AFMID: variants seen among roughly 807,000 people sequenced by gnomAD.
The protein encoded by AFMID is arylformamidase.
Under a neutral mutation model 47.5 loss-of-function variants are expected in AFMID, and 39 were observed. The observed-to-expected ratio is 0.82, with a 90% CI of 0.64 to 1.07. The LOEUF (loss-of-function observed/expected upper bound fraction) is 1.07, where lower values mean the gene tolerates loss of function less well. Among genes scored for constraint, AFMID ranks in the 50% least tolerant of loss-of-function variants. The probability of loss-of-function intolerance (pLI) is 0.00; values close to 1 mark genes in which losing one functional copy is unlikely to be tolerated. For synonymous variants in AFMID, 130 were observed against 153.2 expected (o/e 0.85, Z 1.12); for missense variants, 375 against 387.5 (o/e 0.97, Z 0.27).
intron 1 of AFMID, among the ~76,000 whole-genome samples, chr17:78,189,701 G>A (rs995013356): frequency 6.2e-5 from 9 of 145,352 alleles, no homozygotes; most frequent in African/African-American, 9.8e-5. Context: ...CATATTTTTC[G>A]TAGAGATAGT....
chr17:78,202,852 C>A, intron 4 of AFMID, 101 bp downstream of exon 4: 1 of 1,382,704 alleles, frequency 7.2e-7, no homozygotes. Flanking sequence ...ACAAGCTGGG[C>A]ACTCCTTGCA....
chr17:78,190,827 G>GAGGTATACCAAGATGCCCTCTA, intron 1 of AFMID, 143 bp from the exon 2 acceptor site: 1 of 680,972 alleles, frequency 1.5e-6, no homozygotes, highest in Non-Finnish European at 2.5e-6. Flanking sequence ...TCTAGACCAT[G>GAGGTATACCAAGATGCCCTCTA]GATCTGAGGG....
rs770995525 is a variant in AFMID, at chr17:78,187,412, T to A, written c.42T>A (p.Pro14=). Residue 14 remains proline, a synonymous_variant, in exon 1 of 11, where the codon CCT becomes CCA. Coordinates refer to ENST00000409257, the MANE Select transcript of AFMID (RefSeq NM_001010982.5). ...GTGTGGGTTTCCCAAGCAAGGTTCC[T>A]TGGAAGAAGATGTCTGCAGAGGTAG... ...VSGVGFPSKV[P]WKKMSAEELE... 2.5e-6 allele frequency: 4 copies of A among 1,613,724 alleles called. No individual in the cohort carries two copies. The African/African-American group carries it at 5.3e-5, about 22-fold the overall frequency.
At position 78,206,938 on chromosome 17, in the gene AFMID, T is replaced by C. The variant is rs2076399317; in HGVS notation, c.*1T>C. ...TATCTTGAAAACAATCTTCCAGTAGTTCTGACGATACTTGGAGCCTGGTCC... is the reference window on the plus strand; with the variant it reads ...TATCTTGAAAACAATCTTCCAGTAGCTCTGACGATACTTGGAGCCTGGTCC... On this transcript the variant is annotated 3_prime_UTR_variant, in exon 11 of 11. Transcript: ENST00000409257. 6.2e-7 allele frequency: 1 copy of C among 1,613,966 alleles called. No homozygotes were observed.
intron 4 of AFMID, 88 bp downstream of exon 4, chr17:78,202,839 G>GCC (rs1323046513): frequency 1.2e-5 from 18 of 1,468,992 alleles, no homozygotes; most frequent in Non-Finnish European, 1.5e-5. Context: ...CAACCAAACT[G>GCC]CCACAAGCTG....
intron 1 of AFMID, among the ~76,000 whole-genome samples, chr17:78,188,721 T>C (rs758972439): frequency 6.6e-6 from 1 of 152,106 alleles, no homozygotes; most frequent in East Asian, 1.9e-4. Context: ...CTCAGCCTCC[T>C]GAGTAGCTGG....
intron 1 of AFMID, 169 bp from the exon 2 acceptor site, chr17:78,190,801 C>A (rs925386360): frequency 5.2e-6 from 3 of 581,156 alleles, no homozygotes. Flanking sequence ...AAAGGCACAG[C>A]GGTCGCTGGT....
Position 78,202,758 on chromosome 17 carries a change from C to A in AFMID, c.308+7C>A. 1 of 1,555,558 alleles carries A rather than the reference C, an allele frequency of 6.4e-7. No individual in the cohort carries two copies. The highest frequency in any genetic ancestry group is 1.2e-5 in the South Asian group (1 of 84,318). On this transcript the variant is annotated splice_region_variant and intron_variant, in intron 4 of 10. Coordinates refer to ENST00000409257, the MANE Select transcript of AFMID (RefSeq NM_001010982.5). ...GATACTGGCAGAGCGGAAGGTGAGT[C>A]GGGGGATGTGGATGGTGGACTGCAA...
chr17:78,193,550 G>GAA (rs541224206), intron 2 of AFMID, among the ~76,000 whole-genome samples: 2 of 137,872 alleles, frequency 1.5e-5, no homozygotes. Context: ...GATTAAAAAG[G>GAA]AAAAAAAAAA....
chr17:78,204,805 C>T (rs1179147408), intron 5 of AFMID, 23 bp from the exon 6 acceptor site: 3 of 1,614,072 alleles, frequency 1.9e-6, no homozygotes, highest in Admixed American at 3.3e-5. Flanking sequence ...GCATCCCTGA[C>T]CCAGCTCATG....
Position 78,195,521 on chromosome 17 carries a change from G to A in AFMID, c.154+4461G>A, listed in dbSNP as rs576419411. Among the ~76,000 whole-genome samples, 175 of 123,484 alleles carry A rather than the reference G, an allele frequency of 1.4e-3. 1 individual carries two copies. The highest frequency in any genetic ancestry group is 5.6e-3 in the Middle Eastern group (1 of 180). 81.0% of individuals were successfully genotyped at this position (123,484 alleles called of 152,430 possible). On this transcript the variant is annotated intron_variant, in intron 2 of 10. Coordinates refer to ENST00000409257, the MANE Select transcript of AFMID (RefSeq NM_001010982.5). ...TGCAGTCCTGTTTTTTTTTTTTTTG[G>A]GGCGGAGTTTCACTCTTGTTACCCA... is the stretch of plus-strand genomic sequence containing the variant.
chr17:78,205,567 C>T (rs766324806), intron 8 of AFMID, 36 bp from the exon 9 acceptor site: 4 of 1,613,996 alleles, frequency 2.5e-6, no homozygotes, highest in Non-Finnish European at 3.4e-6. Flanking sequence ...AGCCTGGCTC[C>T]TCTCTGTCCT....
At chr17:78,193,845 G>A (rs1189719974) in intron 2 of AFMID, among the ~76,000 whole-genome samples, 3 of 151,738 alleles carry the variant, frequency 2.0e-5, no homozygotes, top group South Asian at 2.1e-4. Flanking sequence ...GGCGTGGTGC[G>A]GGCACCTGTA....
chr17:78,192,904 C>T lies in AFMID; in HGVS notation c.154+1844C>T, dbSNP rs1345576998. The T allele has an allele frequency of 2.2e-5, 6 of 269,708 alleles. No homozygotes were observed. In the East Asian group the frequency reaches 5.8e-4, roughly 26 times the overall value. The allele number at this position is 269,708 out of a possible 1,614,324, so 16.7% of individuals were successfully genotyped here. The stretch of plus-strand genomic sequence containing the variant: ...GGTGGTTTTCTAAGCGGAGAGAACC[C>T]AGGAGGAGGAACAGACTTGTTAGAA... On this transcript the variant is annotated intron_variant, in intron 2 of 10. Coordinates refer to ENST00000409257, the MANE Select transcript of AFMID (RefSeq NM_001010982.5).
intron 2 of AFMID, among the ~76,000 whole-genome samples, chr17:78,202,034 A>G (rs564617321): frequency 6.6e-6 from 1 of 151,434 alleles, no homozygotes; most frequent in African/African-American, 2.4e-5. Flanking sequence ...CCAGCCTGGC[A>G]GTCCTCTTTC....
intron 2 of AFMID, among the ~76,000 whole-genome samples, chr17:78,200,656 C>T (rs967551994): frequency 2.6e-5 from 4 of 152,148 alleles, no homozygotes; most frequent in South Asian, 4.1e-4. Context: ...GGCCTTGGAA[C>T]GCCTGGAGCC....
intron 2 of AFMID, among the ~76,000 whole-genome samples, chr17:78,194,805 C>T (rs1027452739): frequency 3.9e-5 from 6 of 152,228 alleles, no homozygotes; most frequent in Admixed American, 2.6e-4. Context: ...AGCGATTCTC[C>T]TGCCTCAGCC....
chr17:78,205,223 C>G, intron 7 of AFMID, 33 bp downstream of exon 7: 3 of 1,580,956 alleles, frequency 1.9e-6, no homozygotes, highest in East Asian at 2.3e-5. Context: ...GGCTGGGCAA[C>G]CTTCATCTCC....
At position 78,190,981 on chromosome 17, in the gene AFMID, T is replaced by C; in HGVS notation, c.75T>C (p.Asn25=). The C allele has an allele frequency of 1.9e-6, 3 of 1,613,576 alleles. No individual in the cohort carries two copies. The highest frequency in any genetic ancestry group is 2.5e-6 in the Non-Finnish European group (3 of 1,179,896). Residue 25 remains asparagine, a synonymous_variant, in exon 2 of 11, where the codon AAT becomes AAC. Coordinates refer to ENST00000409257, the MANE Select transcript of AFMID (RefSeq NM_001010982.5). ...TTTGTGCCCTGCAGGAGCTGGAGAA[T>C]CAGTACTGTCCCAGCCGATGGGTTG... The part of the protein sequence containing the change: ...WKKMSAEELE[N]QYCPSRWVVR...
Sources: allele counts gnomAD v4.1 joint callset (sites outside exome capture counted in the v4.1 genomes callset), GRCh38; gene constraint gnomAD v4.1.1; transcripts MANE v1.5; gene names NCBI Gene and HGNC (gene_info 2026-07-23, HGNC 2026-07-21).